Variants in GPM6A observed in about 807,000 individuals in gnomAD.
GPM6A encodes glycoprotein M6A.
In GPM6A, 7 loss-of-function variants were observed where a neutral mutation model predicts 32.1. The ratio of observed to expected loss-of-function variants is 0.22; its 90% CI spans 0.12 to 0.41. The LOEUF is 0.41. GPM6A is among the 10% of genes least tolerant of loss of function. The pLI, the probability that GPM6A is intolerant of heterozygous loss-of-function variation, is 1.00. For missense variants in GPM6A, 235 were observed against 347.2 expected, an observed-to-expected ratio of 0.68 and a Z score of 2.57; for synonymous variants, 130 against 123.4, an observed-to-expected ratio of 1.05 and a Z score of -0.35.
chr4:175,839,591 A>T (rs190439299), intron 1 of GPM6A, among the ~76,000 whole-genome samples: 5 of 152,312 alleles, frequency 3.3e-5, no homozygotes, highest in Admixed American at 3.3e-4. Context: ...ACCCAATTCA[A>T]AAATAAAAAA....
intron 1 of GPM6A, among the ~76,000 whole-genome samples, chr4:175,892,915 A>G (rs188787372): frequency 2.0e-5 from 3 of 152,312 alleles, no homozygotes; most frequent in East Asian, 1.9e-4. Context: ...TTGGCATTTC[A>G]TCATGCCAGA....
At chr4:175,701,302 A>T (rs945179937) in intron 2 of GPM6A, among the ~76,000 whole-genome samples, 3 of 152,220 alleles carry the variant, frequency 2.0e-5, no homozygotes, top group South Asian at 2.1e-4. Context: ...AAGTCCCAGA[A>T]TTCCACTTAA....
intron 1 of GPM6A, among the ~76,000 whole-genome samples, chr4:175,748,372 G>T (rs2111182501): frequency 6.6e-6 from 1 of 152,312 alleles, no homozygotes; most frequent in Non-Finnish European, 1.5e-5. Flanking sequence ...AGGTTTGAAA[G>T]TTGAAATTAC....
intron 1 of GPM6A, among the ~76,000 whole-genome samples, chr4:175,992,473 G>T (rs1308006374): frequency 6.6e-6 from 1 of 152,174 alleles, no homozygotes; most frequent in East Asian, 1.9e-4. Context: ...TGCTATGGGA[G>T]CATCATCTTC....
chr4:175,773,070 A>G (rs1733254282), intron 1 of GPM6A, among the ~76,000 whole-genome samples: 1 of 152,158 alleles, frequency 6.6e-6, no homozygotes, highest in African/African-American at 2.4e-5. Flanking sequence ...ACCTCATCCA[A>G]TGATGTTTTG....
chr4:175,722,323 C>G (rs940830322), intron 1 of GPM6A, among the ~76,000 whole-genome samples: 1 of 151,988 alleles, frequency 6.6e-6, no homozygotes, highest in African/African-American at 2.4e-5. Context: ...AAGAGAAAAA[C>G]TCCTTATCTG....
intron 1 of GPM6A, among the ~76,000 whole-genome samples, chr4:175,956,887 T>G (rs968528970): frequency 3.3e-5 from 5 of 152,124 alleles, no homozygotes; most frequent in African/African-American, 1.2e-4. Context: ...AATATAAACA[T>G]GAGAATAAAA....
At chr4:175,679,744 A>G (rs1743576762) in intron 2 of GPM6A, among the ~76,000 whole-genome samples, 1 of 152,038 alleles carries the variant, frequency 6.6e-6, no homozygotes, top group African/African-American at 2.4e-5. Context: ...TTTTTTTCTC[A>G]AGGTTTAAAT....
At chr4:175,994,771 C>T (rs1242588812) in intron 1 of GPM6A, among the ~76,000 whole-genome samples, 1 of 152,130 alleles carries the variant, frequency 6.6e-6, no homozygotes, top group Non-Finnish European at 1.5e-5. Context: ...ACTGACTCTT[C>T]CTTTCATGAA....
At chr4:175,986,020 G>A (rs991748579) in intron 1 of GPM6A, among the ~76,000 whole-genome samples, 1 of 152,006 alleles carries the variant, frequency 6.6e-6, no homozygotes, top group Non-Finnish European at 1.5e-5. Context: ...TGACCAGGCT[G>A]GTCTCGAACT....
rs1161959886 is a variant in GPM6A at position 175,744,821 on chromosome 4, C to T, written c.38-43054G>A. Among the ~76,000 whole-genome samples, 3 of 152,154 alleles carry T rather than the reference C, an allele frequency of 2.0e-5. No individual in the cohort carries two copies. The East Asian group carries it at 5.8e-4, about 29-fold the overall frequency. The stretch of plus-strand genomic sequence containing the variant: ...TTCTCTGAAATTAAAATACATCTCC[C>T]ACTTCTGGGTCCAATGTTCTGATAT... On this transcript the variant is annotated intron_variant, in intron 1 of 6. Transcript: ENST00000393658.
At chr4:175,909,271 C>A (rs914258210) in intron 1 of GPM6A, among the ~76,000 whole-genome samples, 4 of 152,042 alleles carry the variant, frequency 2.6e-5, no homozygotes, top group Non-Finnish European at 4.4e-5. Context: ...CACATATCAG[C>A]GGTTGCTAAG....
At chr4:175,987,053 A>G (rs1248022986) in intron 1 of GPM6A, among the ~76,000 whole-genome samples, 1 of 152,158 alleles carries the variant, frequency 6.6e-6, no homozygotes, top group African/African-American at 2.4e-5. Flanking sequence ...AATTTCAACT[A>G]CTGTCTTCTG....
At chr4:175,697,864 G>A (rs1744666254) in intron 2 of GPM6A, among the ~76,000 whole-genome samples, 1 of 152,170 alleles carries the variant, frequency 6.6e-6, no homozygotes, top group Non-Finnish European at 1.5e-5. Flanking sequence ...GGGGCTGATA[G>A]TATTTAGAAT....
chr4:175,725,905 ATAAT>A (rs1232265160), intron 1 of GPM6A, among the ~76,000 whole-genome samples: 1 of 152,166 alleles, frequency 6.6e-6, no homozygotes, highest in East Asian at 1.9e-4. Flanking sequence ...AAAGATAAAA[ATAAT>A]TAACTTCTAT....
chr4:175,985,758 TATC>T (rs1312186978), intron 1 of GPM6A, among the ~76,000 whole-genome samples: 1 of 152,196 alleles, frequency 6.6e-6, no homozygotes, highest in Non-Finnish European at 1.5e-5. Flanking sequence ...TTATAATTTT[TATC>T]ATAAGTTAAT....
chr4:175,759,165 T>G (rs1429668930), intron 1 of GPM6A, among the ~76,000 whole-genome samples: 1 of 152,138 alleles, frequency 6.6e-6, no homozygotes, highest in Admixed American at 6.6e-5. Flanking sequence ...TCACTGTTAG[T>G]GTCTGAATAC....
chr4:175,811,240 T>C (rs556593725), intron 1 of GPM6A, among the ~76,000 whole-genome samples: 1 of 152,298 alleles, frequency 6.6e-6, no homozygotes, highest in South Asian at 2.1e-4. Flanking sequence ...GAAATTAACT[T>C]TGACAGCTGA....
intron 1 of GPM6A, among the ~76,000 whole-genome samples, chr4:175,925,153 C>CT (rs1285844734): frequency 6.6e-6 from 1 of 152,160 alleles, no homozygotes; most frequent in African/African-American, 2.4e-5. Flanking sequence ...GAATCAGCAA[C>CT]TTTTTAAAAG....
Sources: allele counts gnomAD v4.1 joint callset (sites outside exome capture counted in the v4.1 genomes callset), GRCh38; gene constraint gnomAD v4.1.1; transcripts MANE v1.5; gene names NCBI Gene and HGNC (gene_info 2026-07-23, HGNC 2026-07-21).